The following NAV3 variants were observed in gnomAD, a reference collection of about 807,000 sequenced individuals.
NAV3 encodes pore membrane and/or filament interacting like protein 1.
Under a neutral mutation model 244.7 loss-of-function variants are expected in NAV3, and 87 were observed. The observed-to-expected ratio is 0.36, with a 90% CI of 0.30 to 0.42. The LOEUF (loss-of-function observed/expected upper bound fraction) is 0.42, where lower values mean the gene tolerates loss of function less well. Ranked by LOEUF, NAV3 falls within the 20% of genes least tolerant of loss-of-function variation. The pLI is 1.00. For missense variants in NAV3, 2,663 were observed against 2,893.3 expected (o/e 0.92, Z 1.83); for synonymous variants, 1,126 against 1,042.2 (o/e 1.08, Z -1.55).
chr12:78,071,436 T>G (rs1187862479), intron 12 of NAV3, among the ~76,000 whole-genome samples: 2 of 152,008 alleles, frequency 1.3e-5, no homozygotes, highest in African/African-American at 2.4e-5. Flanking sequence ...TTGAGTTCAT[T>G]GTAGATTCTG....
At chr12:77,909,044 G>A (rs781300196) in intron 1 of NAV3, among the ~76,000 whole-genome samples, 27 of 151,850 alleles carry the variant, frequency 1.8e-4, no homozygotes, top group Non-Finnish European at 2.8e-4. Context: ...CTGTACAGTG[G>A]GGATAATAAC....
chr12:78,130,053 A>G (rs1397664067), intron 18 of NAV3, among the ~76,000 whole-genome samples: 2 of 152,216 alleles, frequency 1.3e-5, no homozygotes, highest in Non-Finnish European at 2.9e-5. Flanking sequence ...ATACATTTGT[A>G]ATGAGGCACA....
intron 2 of NAV3, among the ~76,000 whole-genome samples, chr12:77,710,086 G>A (rs1447452497): frequency 2.6e-5 from 4 of 152,140 alleles, no homozygotes; most frequent in Non-Finnish European, 4.4e-5. Flanking sequence ...TTGAAAGCCA[G>A]TATTTAATAG....
At chr12:77,994,496 ATTTTT>A in intron 5 of NAV3, among the ~76,000 whole-genome samples, 1 of 152,132 alleles carries the variant, frequency 6.6e-6, no homozygotes, top group African/African-American at 2.4e-5. Flanking sequence ...ACAAGGTTGA[ATTTTT>A]TTATATGATG....
intron 12 of NAV3, among the ~76,000 whole-genome samples, chr12:78,106,233 G>A (rs191707632): frequency 1.3e-5 from 2 of 152,102 alleles, no homozygotes; most frequent in East Asian, 3.9e-4. Context: ...CAAGATCATA[G>A]CATACAAAGC....
At chr12:77,931,773 C>T (rs1466059237) in intron 1 of NAV3, among the ~76,000 whole-genome samples, 2 of 151,812 alleles carry the variant, frequency 1.3e-5, no homozygotes, top group Admixed American at 6.6e-5. Flanking sequence ...AGGCTGAGGC[C>T]GGAGAATGGC....
At chr12:77,667,825 CT>C (rs1873786059) in intron 2 of NAV3, among the ~76,000 whole-genome samples, 1 of 152,166 alleles carries the variant, frequency 6.6e-6, no homozygotes, top group East Asian at 1.9e-4. Context: ...GCACCACCTT[CT>C]GTCTGGAGGC....
chr12:77,682,235 T>C (rs1184487842), intron 2 of NAV3, among the ~76,000 whole-genome samples: 1 of 152,216 alleles, frequency 6.6e-6, no homozygotes, highest in Non-Finnish European at 1.5e-5. Flanking sequence ...ATTCTACATA[T>C]GAATGAGATC....
At chr12:78,041,912 A>G (rs1387458651) in intron 9 of NAV3, among the ~76,000 whole-genome samples, 1 of 152,106 alleles carries the variant, frequency 6.6e-6, no homozygotes, top group African/African-American at 2.4e-5. Context: ...AATTTAATAC[A>G]TGCTATTTTT....
chr12:78,209,560 A>T (rs1296244857), intron 39 of NAV3, among the ~76,000 whole-genome samples: 2 of 152,048 alleles, frequency 1.3e-5, no homozygotes, highest in Non-Finnish European at 2.9e-5. Flanking sequence ...AAAAAAAAAA[A>T]AGTCCATCTC....
chr12:77,974,877 C>T (rs1467035492), intron 5 of NAV3, among the ~76,000 whole-genome samples: 3 of 152,118 alleles, frequency 2.0e-5, no homozygotes, highest in Non-Finnish European at 4.4e-5. Context: ...GACACTCAAA[C>T]CAGCTATTTC....
At chr12:77,721,707 T>C (rs1876639703) in intron 2 of NAV3, among the ~76,000 whole-genome samples, 1 of 152,162 alleles carries the variant, frequency 6.6e-6, no homozygotes, top group Non-Finnish European at 1.5e-5. Flanking sequence ...CTGAGAGTCA[T>C]ATAAGCTTCT....
intron 2 of NAV3, among the ~76,000 whole-genome samples, chr12:77,688,783 G>A (rs1874873977): frequency 6.6e-6 from 1 of 151,870 alleles, no homozygotes; most frequent in African/African-American, 2.4e-5. Flanking sequence ...TCTAAAAAAC[G>A]AGAAATTCAA....
chr12:77,998,894 C>T (rs772298291), intron 7 of NAV3, among the ~76,000 whole-genome samples: 9 of 152,218 alleles, frequency 5.9e-5, no homozygotes, highest in African/African-American at 9.6e-5. Context: ...AAATTTGAAA[C>T]ATAATTACAG....
At chr12:77,640,352 A>C (rs1872354370) in intron 2 of NAV3, among the ~76,000 whole-genome samples, 1 of 152,122 alleles carries the variant, frequency 6.6e-6, no homozygotes, top group Non-Finnish European at 1.5e-5. Flanking sequence ...AGAACTAAAT[A>C]AAGCAAAACT....
intron 2 of NAV3, among the ~76,000 whole-genome samples, chr12:77,818,889 G>T (rs907598799): frequency 6.6e-6 from 1 of 151,916 alleles, no homozygotes; most frequent in African/African-American, 2.4e-5. Context: ...TAATGACCAA[G>T]TCAGATTCTT....
In NAV3 at chr12:77,893,800, G is replaced by C. The variant is rs573259668; in HGVS notation, c.244-46519G>C. On this transcript the variant is annotated intron_variant, in intron 1 of 39. Transcript: ENST00000397909. ...TGGTGGTTAAATCAAAGGAAGGCAAGAGCCAGAGAAATATCTTCAAGTTGC... is the reference window on the plus strand; with the variant it reads ...TGGTGGTTAAATCAAAGGAAGGCAACAGCCAGAGAAATATCTTCAAGTTGC... Among the ~76,000 whole-genome samples, 16 of 152,284 alleles carry C rather than the reference G, an allele frequency of 1.1e-4. No homozygotes were observed. In the South Asian group the frequency reaches 3.3e-3, roughly 32 times the overall value.
In NAV3 at chr12:77,741,148, C is replaced by CAAAAAAAAAAAAAAA; in HGVS notation, c.72+168886_72+168900dup. On this transcript the variant is annotated intron_variant, in intron 2 of 8. Coordinates refer to the NAV3 transcript ENST00000550042. ...GAAATAGTCAAAGAAAAAAAAAAGA[C>CAAAAAAAAAAAAAAA]AAAAAAAAAAAAAAAAAAGAAAAGA... Among the ~76,000 whole-genome samples, 591 of 68,442 alleles carry CAAAAAAAAAAAAAAA rather than the reference C, an allele frequency of 8.6e-3. 1 individual carries two copies. Among genetic ancestry groups the CAAAAAAAAAAAAAAA allele is most frequent in the African/African-American group, 0.01 (175 of 16,812 alleles). The allele number at this position is 68,442 out of a possible 152,430, so 44.9% of individuals were successfully genotyped here. A position where few individuals can be genotyped will look rare whatever the true frequency, so the allele number is the denominator to read the frequency against.
intron 37 of NAV3, 58 bp from the exon 38 acceptor site, chr12:78,200,415 A>G: frequency 9.8e-7 from 1 of 1,017,026 alleles, no homozygotes; most frequent in Non-Finnish European, 1.4e-6. Context: ...GTGTCTAGAT[A>G]TGTGTTTAGA....
Sources: allele counts gnomAD v4.1 joint callset (sites outside exome capture counted in the v4.1 genomes callset), GRCh38; gene constraint gnomAD v4.1.1; transcripts MANE v1.5; gene names NCBI Gene and HGNC (gene_info 2026-07-23, HGNC 2026-07-21).